The following ZNF510 variants were observed in gnomAD, a reference collection of about 807,000 sequenced individuals.
The protein encoded by ZNF510 is zinc finger protein 510.
ZNF510 carries 15 observed loss-of-function variants against 18.1 expected under a neutral mutation model. The ratio of observed to expected loss-of-function variants is 0.83; its 90% confidence interval spans 0.55 to 1.28. The LOEUF is 1.28. Ranked by LOEUF, ZNF510 falls within the 50% of genes most tolerant of loss-of-function variation. The pLI, the probability that ZNF510 is intolerant of heterozygous loss-of-function variation, is 0.00. For synonymous variants in ZNF510, 261 were observed against 266.4 expected (o/e 0.98, Z 0.20); for missense variants, 724 against 791.8 (o/e 0.91, Z 1.03).
chr9:96,767,090 G>A (rs1214676323), intron 3 of ZNF510, among the ~76,000 whole-genome samples: 1 of 152,148 alleles, frequency 6.6e-6, no homozygotes, highest in African/African-American at 2.4e-5. Flanking sequence ...CACTTTGGGA[G>A]GCTGAGGCAG....
chr9:96,766,249 C>T (rs1306635078), intron 3 of ZNF510, among the ~76,000 whole-genome samples: 1 of 149,430 alleles, frequency 6.7e-6, no homozygotes, highest in African/African-American at 2.6e-5. Flanking sequence ...CCCAGTAACT[C>T]ATAGAAAAGC....
intron 3 of ZNF510, 105 bp downstream of exon 3, chr9:96,774,683 T>A (rs933197499): frequency 1.9e-6 from 2 of 1,057,556 alleles, no homozygotes; most frequent in African/African-American, 3.2e-5. Flanking sequence ...CTTTTCTATA[T>A]ATTCCTTGAA....
intron 3 of ZNF510, among the ~76,000 whole-genome samples, chr9:96,770,832 C>T (rs10125676): frequency 0.059 from 9,020 of 152,074 alleles, 883 homozygotes; most frequent in African/African-American, 0.2. Context: ...AATGACTGCA[C>T]AACTCTACAA....
chr9:96,776,268 G>T, intron 1 of ZNF510, 23 bp from the exon 2 acceptor site: 1 of 1,067,454 alleles, frequency 9.4e-7, no homozygotes, highest in Non-Finnish European at 1.3e-6. Flanking sequence ...GAGCTGCTTT[G>T]CTCCAGAGAA....
In ZNF510 at chr9:96,758,659, C is replaced by T; in HGVS notation, c.*119G>A. ...TTTCCTATGTGAATTCTCTGATTCA[C>T]AGTGAGGGTTTACTTCTGGGACTGT... On this transcript the variant is annotated 3_prime_UTR_variant, in exon 6 of 6. Coordinates refer to ENST00000223428, the MANE Select transcript of ZNF510 (RefSeq NM_014930.3). 9.7e-7 allele frequency: 1 copy of T among 1,028,766 alleles called. No individual in the cohort carries two copies. Among genetic ancestry groups the T allele is most frequent in the Non-Finnish European group, 1.4e-6 (1 of 722,582 alleles). 63.7% of individuals were successfully genotyped at this position (1,028,766 alleles called of 1,614,324 possible).
intron 3 of ZNF510, among the ~76,000 whole-genome samples, chr9:96,770,593 A>T (rs1272342072): frequency 1.4e-5 from 2 of 144,396 alleles, no homozygotes; most frequent in Non-Finnish European, 2.9e-5. Flanking sequence ...ACAAGAGCAA[A>T]ACTCTGTCTC....
chr9:96,763,288 G>C, intron 4 of ZNF510, 75 bp from the exon 5 acceptor site: 1 of 1,489,996 alleles, frequency 6.7e-7, no homozygotes, highest in Non-Finnish European at 9.3e-7. Flanking sequence ...AGAAAATACA[G>C]CTTTGGAAGC....
chr9:96,759,435 ACATT>A lies in ZNF510; in HGVS notation c.1391_1394del (p.Glu464ValfsTer206). On this transcript the variant is annotated frameshift_variant, in exon 6 of 6. Coordinates refer to ENST00000223428, the MANE Select transcript of ZNF510 (RefSeq NM_014930.3). LOFTEE classifies it low-confidence loss of function (END_TRUNC). ...TTGACTTCTGGACAAATGTTTTTCC[ACATT>A]CATTACATTTATAGGGTTTTTCTGC... is the stretch of plus-strand genomic sequence containing the variant. The A allele has an allele frequency of 6.2e-7, 1 of 1,614,156 alleles. No individual in the cohort carries two copies. Among genetic ancestry groups the A allele is most frequent in the Non-Finnish European group, 8.5e-7 (1 of 1,180,018 alleles).
chr9:96,775,051 G>C (rs946169498), intron 2 of ZNF510, among the ~76,000 whole-genome samples: 5 of 146,402 alleles, frequency 3.4e-5, no homozygotes, highest in African/African-American at 1.1e-4. Context: ...CTTGCTGTGT[G>C]TGTGTGTTTT....
chr9:96,771,444 A>AACTC (rs1849582880), intron 3 of ZNF510, among the ~76,000 whole-genome samples: 1 of 151,546 alleles, frequency 6.6e-6, no homozygotes, highest in African/African-American at 2.4e-5. Context: ...AAAAAAAAAA[A>AACTC]ACTCAGGAAA....
At chr9:96,761,117 T>C (rs1054452442) in intron 5 of ZNF510, among the ~76,000 whole-genome samples, 1 of 152,170 alleles carries the variant, frequency 6.6e-6, no homozygotes, top group Non-Finnish European at 1.5e-5. Context: ...TACAAGCAAG[T>C]ATAAAATTGT....
At chr9:96,763,052 C>T in intron 5 of ZNF510, 66 bp downstream of exon 5, 1 of 1,347,960 alleles carries the variant, frequency 7.4e-7, no homozygotes, top group East Asian at 2.3e-5. Flanking sequence ...TAGGTGTTCA[C>T]CCCTAAAGTG....
At position 96,758,692 on chromosome 9, in the gene ZNF510, C is replaced by A. The variant is rs1276431997; in HGVS notation, c.*86G>T. 5.9e-5 allele frequency: 81 copies of A among 1,369,986 alleles called. No homozygotes were observed. Among genetic ancestry groups the A allele is most frequent in the Non-Finnish European group, 7.0e-5 (71 of 1,013,868 alleles). 84.9% of individuals were successfully genotyped at this position (1,369,986 alleles called of 1,614,324 possible). A position where few individuals can be genotyped will look rare whatever the true frequency, so the allele number is the denominator to read the frequency against. ...GTTTACTTCTGGGACTGTCTTCTTA[C>A]ATTCACTACCCTCAATTGGTTTTTT... On this transcript the variant is annotated 3_prime_UTR_variant, in exon 6 of 6. Coordinates refer to ENST00000223428, the MANE Select transcript of ZNF510 (RefSeq NM_014930.3).
intron 3 of ZNF510, among the ~76,000 whole-genome samples, chr9:96,764,643 T>C (rs1405038410): frequency 1.3e-5 from 2 of 151,972 alleles, no homozygotes; most frequent in Non-Finnish European, 2.9e-5. Context: ...AATAATAGTA[T>C]TAAAGAAAAG....
At chr9:96,773,197 G>T (rs1849619496) in intron 3 of ZNF510, among the ~76,000 whole-genome samples, 1 of 152,078 alleles carries the variant, frequency 6.6e-6, no homozygotes, top group South Asian at 2.1e-4. Context: ...GAGCAGTGGT[G>T]TTATCTTAAT....
intron 3 of ZNF510, among the ~76,000 whole-genome samples, chr9:96,771,608 C>T: frequency 6.6e-6 from 1 of 151,924 alleles, no homozygotes; most frequent in Non-Finnish European, 1.5e-5. Context: ...AAACATTTTA[C>T]TGGAAGTCCT....
rs1849315634 is a variant in ZNF510, at chr9:96,760,342, T to G, written c.488A>C (p.His163Pro). 5 of 1,613,888 alleles carry G rather than the reference T, an allele frequency of 3.1e-6. No individual in the cohort carries two copies. The highest frequency in any genetic ancestry group is 4.2e-6 in the Non-Finnish European group (5 of 1,179,876). ...EKVLGKPFTL[H>P]VAAVASTKMS... The stretch of plus-strand genomic sequence containing the variant: ...TTTTGTTGAAGCAACAGCAGCTACA[T>G]GCAGAGTAAATGGTTTCCCCAAAAC... Residue 163 changes from histidine (H) to proline (P), a missense_variant, in exon 6 of 6, where the codon CAT becomes CCT. Coordinates refer to ENST00000223428, the MANE Select transcript of ZNF510 (RefSeq NM_014930.3).
rs28413192 is a variant in ZNF510 at position 96,756,946 on chromosome 9, A to C, written c.*1832T>G. The C allele has an allele frequency of 3.3e-5, 5 of 152,238 alleles. No homozygotes were observed. The highest frequency in any genetic ancestry group is 7.2e-5 in the African/African-American group (3 of 41,462). 9.4% of individuals were successfully genotyped at this position (152,238 alleles called of 1,614,324 possible). ...ATTACAGGGAATTAGAATTCTCTCT[A>C]TAACTTATGGGAATTAATCCCTACT... On this transcript the variant is annotated 3_prime_UTR_variant, in exon 6 of 6. Transcript: ENST00000223428.
rs1588123478 is a variant in ZNF510 at position 96,756,592 on chromosome 9, T to A, written c.*2186A>T. Reference sequence around the variant, plus strand: ...GCTTGCTGGGTCCTTTTCATTTTGTTAGTTGTTGAGTCCAAGACGACAAAC... The same window carrying A: ...GCTTGCTGGGTCCTTTTCATTTTGTAAGTTGTTGAGTCCAAGACGACAAAC... On this transcript the variant is annotated 3_prime_UTR_variant, in exon 6 of 6. Transcript: ENST00000223428. The A allele has an allele frequency of 2.0e-5, 3 of 152,378 alleles. No individual in the cohort carries two copies. The East Asian group carries it at 5.8e-4, about 29-fold the overall frequency. The allele number at this position is 152,378 out of a possible 1,614,324, so 9.4% of individuals were successfully genotyped here. A position where few individuals can be genotyped will look rare whatever the true frequency, so the allele number is the denominator to read the frequency against.
Sources: gnomAD v4.1 joint callset for allele counts (sites outside exome capture counted in the v4.1 genomes callset) on GRCh38, gnomAD v4.1.1 for gene constraint, MANE v1.5 for transcripts, NCBI Gene and HGNC (gene_info 2026-07-23, HGNC 2026-07-21) for gene names.